Variants in RIMS1 observed in about 807,000 individuals in gnomAD.
RIMS1 encodes regulating synaptic membrane exocytosis protein 1.
A neutral mutation model predicts 214.1 loss-of-function variants in RIMS1; 83 were observed. That is an observed-to-expected ratio of 0.39 (90% confidence interval 0.32 to 0.47). The LOEUF is 0.47. Ranked by LOEUF, RIMS1 falls within the 20% of genes least tolerant of loss-of-function variation. The probability of loss-of-function intolerance (pLI) is 0.99; values close to 1 mark genes in which losing one functional copy is unlikely to be tolerated. For missense variants in RIMS1, 2,050 were observed against 2,161.8 expected (o/e 0.95, Z 1.03); for synonymous variants, 793 against 786.8 (o/e 1.01, Z -0.13).
chr6:72,371,887 T>C (rs949987143), intron 29 of RIMS1, among the ~76,000 whole-genome samples: 15 of 152,212 alleles, frequency 9.9e-5, no homozygotes, highest in African/African-American at 2.4e-4. Context: ...CTCTCATCCT[T>C]GGTTTCCTCA....
At chr6:71,903,914 A>G (rs1774516259) in intron 1 of RIMS1, among the ~76,000 whole-genome samples, 1 of 152,176 alleles carries the variant, frequency 6.6e-6, no homozygotes, top group South Asian at 2.1e-4. Context: ...GTATGTATAT[A>G]TGCATGTACA....
chr6:72,070,985 A>G (rs923605948), intron 2 of RIMS1, among the ~76,000 whole-genome samples: 2 of 152,364 alleles, frequency 1.3e-5, no homozygotes, highest in Non-Finnish European at 2.9e-5. Flanking sequence ...TGAAAATTAC[A>G]TGAAATTTAA....
intron 4 of RIMS1, among the ~76,000 whole-genome samples, chr6:72,138,130 C>T (rs920362555): frequency 2.0e-5 from 3 of 151,972 alleles, no homozygotes; most frequent in African/African-American, 4.8e-5. Flanking sequence ...GGTAGGTAGA[C>T]TTTCCTCCTT....
intron 29 of RIMS1, among the ~76,000 whole-genome samples, chr6:72,345,543 G>A (rs1022437641): frequency 1.3e-5 from 2 of 151,822 alleles, no homozygotes; most frequent in Admixed American, 6.6e-5. Context: ...TAGAGCTTAT[G>A]TTCTCAACCA....
chr6:72,097,234 C>T lies in RIMS1; in HGVS notation c.459+72C>T, dbSNP rs536306118. 4.8e-5 allele frequency: 62 copies of T among 1,304,822 alleles called. No homozygotes were observed. The African/African-American group carries it at 8.3e-4, about 17-fold the overall frequency. The allele number at this position is 1,304,822 out of a possible 1,614,324, so 80.8% of individuals were successfully genotyped here. A position where few individuals can be genotyped will look rare whatever the true frequency, so the allele number is the denominator to read the frequency against. ...CTATTACGCCTTCCAAACATGAGAACACGTGCATCTTAGAAAGCAGACATG... is the reference window on the plus strand; with the variant it reads ...CTATTACGCCTTCCAAACATGAGAATACGTGCATCTTAGAAAGCAGACATG... On this transcript the variant is annotated intron_variant, in intron 3 of 33. Transcript: ENST00000521978.
chr6:72,311,998 A>G (rs1667658885), intron 27 of RIMS1, among the ~76,000 whole-genome samples: 1 of 152,182 alleles, frequency 6.6e-6, no homozygotes, highest in South Asian at 2.1e-4. Flanking sequence ...CTCACATTTA[A>G]TGTTTCAGTC....
chr6:71,889,649 A>AT (rs368506798), intron 1 of RIMS1, among the ~76,000 whole-genome samples: 11 of 151,690 alleles, frequency 7.3e-5, no homozygotes, highest in East Asian at 1.9e-4. Flanking sequence ...AAGTGCTGTA[A>AT]TTTTTTTTTA....
intron 10 of RIMS1, among the ~76,000 whole-genome samples, chr6:72,245,437 A>C (rs1386882672): frequency 6.6e-6 from 1 of 152,022 alleles, no homozygotes; most frequent in Non-Finnish European, 1.5e-5. Flanking sequence ...GTGTTTGTAA[A>C]GCATATTACT....
At chr6:72,011,693 A>G (rs894701773) in intron 2 of RIMS1, among the ~76,000 whole-genome samples, 2 of 151,886 alleles carry the variant, frequency 1.3e-5, no homozygotes, top group African/African-American at 2.4e-5. Context: ...ACTTCTCAAA[A>G]GAAGACATTT....
intron 4 of RIMS1, among the ~76,000 whole-genome samples, chr6:72,147,931 C>G (rs2042965172): frequency 6.6e-6 from 1 of 152,102 alleles, no homozygotes; most frequent in African/African-American, 2.4e-5. Flanking sequence ...TATGTTTTTG[C>G]CAGCATCCCA....
chr6:72,169,100 G>A (rs557950193), intron 4 of RIMS1, among the ~76,000 whole-genome samples: 56 of 152,240 alleles, frequency 3.7e-4, no homozygotes, highest in African/African-American at 8.2e-4. Flanking sequence ...AATGGATTTG[G>A]ATAATTGTAA....
At chr6:72,234,135 A>G (rs2063136366) in intron 7 of RIMS1, among the ~76,000 whole-genome samples, 1 of 152,004 alleles carries the variant, frequency 6.6e-6, no homozygotes, top group African/African-American at 2.4e-5. Context: ...GTAAGCAGAT[A>G]TATTTTTAAA....
chr6:72,243,947 C>A (rs1349606740), intron 10 of RIMS1, among the ~76,000 whole-genome samples: 1 of 148,532 alleles, frequency 6.7e-6, no homozygotes, highest in African/African-American at 2.5e-5. Context: ...TATTGGAATC[C>A]TAGAAAAATA....
At chr6:72,342,710 G>A (rs2097137023) in intron 29 of RIMS1, among the ~76,000 whole-genome samples, 1 of 151,358 alleles carries the variant, frequency 6.6e-6, no homozygotes, top group African/African-American at 2.4e-5. Context: ...GGTGAAGAGT[G>A]GATATAACAC....
At chr6:72,205,286 A>T (rs1424424266) in intron 6 of RIMS1, among the ~76,000 whole-genome samples, 1 of 152,220 alleles carries the variant, frequency 6.6e-6, no homozygotes, top group Non-Finnish European at 1.5e-5. Context: ...ATAAAGCAAC[A>T]TCAATAACAT....
chr6:72,380,286 T>C (rs2098464126), intron 29 of RIMS1, among the ~76,000 whole-genome samples: 1 of 152,132 alleles, frequency 6.6e-6, no homozygotes, highest in South Asian at 2.1e-4. Context: ...TTAGGAGGAA[T>C]ACCTAATGTA....
At chr6:72,286,645 C>T (rs2092363544) in intron 24 of RIMS1, among the ~76,000 whole-genome samples, 2 of 152,026 alleles carry the variant, frequency 1.3e-5, no homozygotes, top group Non-Finnish European at 2.9e-5. Flanking sequence ...AAGAACTGGC[C>T]TGGGTTTTCT....
chr6:72,349,102 C>T (rs1405203223), intron 29 of RIMS1, among the ~76,000 whole-genome samples: 1 of 151,926 alleles, frequency 6.6e-6, no homozygotes, highest in Admixed American at 6.6e-5. Context: ...TGAAGCAGTA[C>T]ATTGTGATAC....
intron 6 of RIMS1, chr6:72,216,653 G>T: frequency 3.0e-6 from 3 of 985,614 alleles, no homozygotes; most frequent in Non-Finnish European, 3.6e-6. Flanking sequence ...GTTTTCTGTG[G>T]TCTGACAGGC....
Sources: gnomAD v4.1 joint callset for allele counts (sites outside exome capture counted in the v4.1 genomes callset) on GRCh38, gnomAD v4.1.1 for gene constraint, MANE v1.5 for transcripts, NCBI Gene and HGNC (gene_info 2026-07-23, HGNC 2026-07-21) for gene names.